ACOT7: variants seen among roughly 807,000 people sequenced by gnomAD.
ACOT7 encodes the protein cytosolic acyl coenzyme A thioester hydrolase.
ACOT7 carries 12 observed loss-of-function variants against 40.2 expected under a neutral mutation model. The ratio of observed to expected loss-of-function variants is 0.30; its 90% CI spans 0.19 to 0.48. The LOEUF is 0.48. Ranked by LOEUF, ACOT7 falls within the 20% of genes least tolerant of loss-of-function variation. The pLI, the probability that ACOT7 is intolerant of heterozygous loss-of-function variation, is 0.99. For synonymous variants in ACOT7, 228 were observed against 219.5 expected, an observed-to-expected ratio of 1.04 and a Z score of -0.34; for missense variants, 395 against 530.8, an observed-to-expected ratio of 0.74 and a Z score of 2.51.
intron 1 of ACOT7, among the ~76,000 whole-genome samples, chr1:6,377,791 C>T (rs1642261203): frequency 6.6e-6 from 1 of 152,198 alleles, no homozygotes; most frequent in Non-Finnish European, 1.5e-5. Context: ...TAAACAATGG[C>T]CAGGTGCGGT....
At chr1:6,339,315 G>C in intron 3 of ACOT7, 118 bp downstream of exon 3, 1 of 1,407,402 alleles carries the variant, frequency 7.1e-7, no homozygotes, top group Non-Finnish European at 9.8e-7. Context: ...GGAGGTGAGA[G>C]AGGTCTCATT....
intron 6 of ACOT7, among the ~76,000 whole-genome samples, chr1:6,307,185 C>T (rs1047583208): frequency 5.3e-5 from 8 of 152,360 alleles, no homozygotes; most frequent in Admixed American, 3.3e-4. Flanking sequence ...CGGCGGGGCT[C>T]GGCACACAGG....
intron 6 of ACOT7, among the ~76,000 whole-genome samples, chr1:6,316,022 A>G (rs1016367297): frequency 6.6e-6 from 1 of 152,218 alleles, no homozygotes; most frequent in African/African-American, 2.4e-5. Flanking sequence ...ACATAAAGAA[A>G]GAAAGACTGG....
At chr1:6,265,251 CAG>C (rs1392056078) in intron 8 of ACOT7, among the ~76,000 whole-genome samples, 1 of 145,696 alleles carries the variant, frequency 6.9e-6, no homozygotes, top group East Asian at 2.0e-4. Context: ...GTCACTGCCC[CAG>C]AGAGACGTGG....
At position 6,358,712 on chromosome 1, in the gene ACOT7, C is replaced by T. The variant is rs1641818114; in HGVS notation, c.144-8846G>A. On this transcript the variant is annotated intron_variant, in intron 1 of 8. Transcript: ENST00000361521. The surrounding 1 kb of genome is among the most constrained non-coding windows in gnomAD (Gnocchi z 4.1). Reference sequence around the variant, plus strand: ...TCCTGGCTGCATGACACCAGCCAGCCTGCTGGGCACAGGGGCCGAGTCCCC... The same window carrying T: ...TCCTGGCTGCATGACACCAGCCAGCTTGCTGGGCACAGGGGCCGAGTCCCC... The T allele has an allele frequency of 9.1e-7, 1 of 1,104,292 alleles. No individual in the cohort carries two copies. The highest frequency in any genetic ancestry group is 2.6e-5 in the East Asian group (1 of 38,718). 68.4% of individuals were successfully genotyped at this position (1,104,292 alleles called of 1,614,324 possible).
At chr1:6,325,942 A>C (rs535596900) in intron 5 of ACOT7, among the ~76,000 whole-genome samples, 14 of 152,160 alleles carry the variant, frequency 9.2e-5, no homozygotes, top group Non-Finnish European at 1.9e-4. Flanking sequence ...GGCACATCCA[A>C]GGGGGAAAGG....
chr1:6,373,910 G>A (rs1049329683), intron 1 of ACOT7, among the ~76,000 whole-genome samples: 3 of 150,772 alleles, frequency 2.0e-5, no homozygotes, highest in Admixed American at 6.6e-5. Context: ...GCAATGAAAG[G>A]AAGTCTGTCT....
intron 8 of ACOT7, 23 bp downstream of exon 8, chr1:6,281,079 C>T: frequency 6.2e-7 from 1 of 1,608,378 alleles, no homozygotes. Context: ...GGAGGGGCCG[C>T]CGTTCCAAGG....
At chr1:6,371,913 C>T (rs749259086) in intron 1 of ACOT7, among the ~76,000 whole-genome samples, 1 of 151,872 alleles carries the variant, frequency 6.6e-6, no homozygotes, top group East Asian at 1.9e-4. Flanking sequence ...GGTGTGGTAA[C>T]GTGCACCTGT....
intron 5 of ACOT7, among the ~76,000 whole-genome samples, chr1:6,319,544 C>CA (rs1467355903): frequency 2.6e-5 from 4 of 152,168 alleles, no homozygotes; most frequent in African/African-American, 9.7e-5. Context: ...CTCTGTCTGA[C>CA]AAAAGAAAAT....
At chr1:6,323,880 A>T (rs1308481915) in intron 5 of ACOT7, among the ~76,000 whole-genome samples, 1 of 151,386 alleles carries the variant, frequency 6.6e-6, no homozygotes, top group African/African-American at 2.4e-5. Context: ...CAACAGTCTG[A>T]ACTCTTGCTC....
At chr1:6,329,833 C>T (rs1640906896) in intron 4 of ACOT7, among the ~76,000 whole-genome samples, 1 of 152,198 alleles carries the variant, frequency 6.6e-6, no homozygotes, top group Non-Finnish European at 1.5e-5. Flanking sequence ...AGCATCCACC[C>T]CCGACAGCCA....
Position 6,282,268 on chromosome 1 carries a change from T to C in ACOT7, c.830-982A>G, listed in dbSNP as rs1319984873. ...CCCTATAGGCAGGCATGAGACACCC[T>C]GCCTGGGGGATAGCTACGGGATGGA... On this transcript the variant is annotated intron_variant, in intron 7 of 8. Transcript: ENST00000361521. This position sits in a 1 kb window ranked among gnomAD's most constrained non-coding sequence, Gnocchi z 4.5. Among the ~76,000 whole-genome samples the C allele has an allele frequency of 4.6e-5, 7 of 152,290 alleles. No homozygotes were observed. The East Asian group carries it at 9.7e-4, about 21-fold the overall frequency.
At chr1:6,305,156 G>A (rs1162191144) in intron 6 of ACOT7, among the ~76,000 whole-genome samples, 1 of 148,208 alleles carries the variant, frequency 6.7e-6, no homozygotes, top group African/African-American at 2.5e-5. Flanking sequence ...GCCGGGCAGA[G>A]GCGCCCCTCA....
At chr1:6,287,355 C>T (rs1639533140) in intron 7 of ACOT7, among the ~76,000 whole-genome samples, 1 of 152,264 alleles carries the variant, frequency 6.6e-6, no homozygotes, top group Admixed American at 6.5e-5. Context: ...CCAGTCCCAC[C>T]TGGAACCAGC....
chr1:6,372,044 C>CA (rs35430188), intron 1 of ACOT7, among the ~76,000 whole-genome samples: 9,164 of 130,268 alleles, frequency 0.07, 748 homozygotes, highest in African/African-American at 0.2. Context: ...AACTCTGTGT[C>CA]AAAAAAAAAA....
At chr1:6,391,157 G>A (rs1022443640) in intron 1 of ACOT7, among the ~76,000 whole-genome samples, 15 of 151,930 alleles carry the variant, frequency 9.9e-5, no homozygotes, top group Admixed American at 2.6e-4. Context: ...TTAGCTGGGC[G>A]TGGTGGCGCA....
chr1:6,307,178 C>A (rs1202035630), intron 6 of ACOT7, among the ~76,000 whole-genome samples: 2 of 152,236 alleles, frequency 1.3e-5, no homozygotes, highest in Admixed American at 6.5e-5. Flanking sequence ...TGGAGCACGG[C>A]GGGGCTCGGC....
chr1:6,270,861 G>A (rs1335809877), intron 8 of ACOT7, among the ~76,000 whole-genome samples: 1 of 152,190 alleles, frequency 6.6e-6, no homozygotes, highest in African/African-American at 2.4e-5. Flanking sequence ...CTGCCCCAAA[G>A]GAGGGCCAGA....
Sources: gnomAD v4.1 joint callset for allele counts (sites outside exome capture counted in the v4.1 genomes callset) on GRCh38, gnomAD v4.1.1 for gene constraint, Gnocchi (gnomAD v3.1) non-coding constraint, MANE v1.5 for transcripts, NCBI Gene and HGNC (gene_info 2026-07-23, HGNC 2026-07-21) for gene names.